Variants in GRIK2 observed in about 807,000 individuals in gnomAD.
GRIK2 encodes glutamate ionotropic receptor kainate type subunit 2, also known as glutamate receptor ionotropic, kainate 2.
Under a neutral mutation model 100.3 loss-of-function variants are expected in GRIK2, and 32 were observed. The observed-to-expected ratio is 0.32, with a 90% CI of 0.24 to 0.43. GRIK2 has a LOEUF of 0.43. GRIK2 is among the 20% of genes least tolerant of loss of function. The pLI is 1.00. For missense variants in GRIK2, 843 were observed against 1,114.9 expected, an observed-to-expected ratio of 0.76 and a Z score of 3.47; for synonymous variants, 417 against 389.4, an observed-to-expected ratio of 1.07 and a Z score of -0.83.
intron 2 of GRIK2, among the ~76,000 whole-genome samples, chr6:101,607,159 A>G (rs1779472518): frequency 2.6e-5 from 4 of 151,980 alleles, no homozygotes; most frequent in Admixed American, 2.6e-4. Context: ...GGAGAAATCC[A>G]TTCTTGAAAG....
chr6:101,795,451 C>A (rs1432888973), intron 7 of GRIK2, among the ~76,000 whole-genome samples: 1 of 152,130 alleles, frequency 6.6e-6, no homozygotes, highest in Non-Finnish European at 1.5e-5. Context: ...TGTCTTTAGG[C>A]TCCTGTGTGG....
At chr6:101,694,747 T>C (rs1175857642) in intron 7 of GRIK2, among the ~76,000 whole-genome samples, 1 of 151,952 alleles carries the variant, frequency 6.6e-6, no homozygotes, top group African/African-American at 2.4e-5. Flanking sequence ...CTAAACTATA[T>C]GTTGTATTTG....
At chr6:101,778,246 T>C (rs1389059794) in intron 7 of GRIK2, among the ~76,000 whole-genome samples, 1 of 152,154 alleles carries the variant, frequency 6.6e-6, no homozygotes, top group African/African-American at 2.4e-5. Flanking sequence ...TTAGTGATGT[T>C]TAATTTGCTA....
chr6:101,452,449 GT>G (rs11411818), intron 2 of GRIK2, among the ~76,000 whole-genome samples: 85,742 of 149,078 alleles, frequency 0.58, 24,617 homozygotes, highest in African/African-American at 0.64. Context: ...AAATTTTTGT[GT>G]TTTTTTTTTC....
intron 4 of GRIK2, among the ~76,000 whole-genome samples, chr6:101,672,992 GCTTTCCAGAGTGGCT>G (rs1770553719): frequency 6.6e-6 from 1 of 152,156 alleles, no homozygotes; most frequent in Non-Finnish European, 1.5e-5. Context: ...TCTCCAGACT[GCTTTCCAGAGTGGCT>G]GAACTAATTT....
At chr6:101,881,004 G>C (rs1443027659) in intron 11 of GRIK2, among the ~76,000 whole-genome samples, 2 of 151,756 alleles carry the variant, frequency 1.3e-5, no homozygotes, top group African/African-American at 4.8e-5. Context: ...TGTCTTAGTA[G>C]TTTATTTTCA....
At chr6:101,406,860 T>C (rs1189748872) in intron 2 of GRIK2, among the ~76,000 whole-genome samples, 1 of 152,182 alleles carries the variant, frequency 6.6e-6, no homozygotes, top group Non-Finnish European at 1.5e-5. Context: ...TATTCTTACA[T>C]TGACATTTTC....
At chr6:101,716,469 C>A (rs1774073830) in intron 7 of GRIK2, among the ~76,000 whole-genome samples, 2 of 151,058 alleles carry the variant, frequency 1.3e-5, no homozygotes, top group African/African-American at 4.9e-5. Context: ...CCTGTTTATA[C>A]AGAAAAGTAC....
chr6:101,788,864 C>A (rs1779621593), intron 7 of GRIK2, among the ~76,000 whole-genome samples: 1 of 152,092 alleles, frequency 6.6e-6, no homozygotes, highest in Non-Finnish European at 1.5e-5. Flanking sequence ...ACATCCTCTC[C>A]AGCACCTGTT....
intron 2 of GRIK2, among the ~76,000 whole-genome samples, chr6:101,589,182 T>A (rs1778527107): frequency 6.6e-6 from 1 of 152,120 alleles, no homozygotes; most frequent in South Asian, 2.1e-4. Flanking sequence ...GTTTTTATTT[T>A]AAAATCAACA....
chr6:101,951,048 T>A (rs975715056), intron 14 of GRIK2, among the ~76,000 whole-genome samples: 1 of 152,054 alleles, frequency 6.6e-6, no homozygotes, highest in Non-Finnish European at 1.5e-5. Flanking sequence ...AGTTCCAATG[T>A]TCTGTTGTGA....
At chr6:101,523,609 CT>C (rs1774996233) in intron 2 of GRIK2, among the ~76,000 whole-genome samples, 1 of 151,924 alleles carries the variant, frequency 6.6e-6, no homozygotes, top group Non-Finnish European at 1.5e-5. Flanking sequence ...GTATAAAGAT[CT>C]TCTACTATAT....
chr6:101,818,314 TACTC>T, intron 9 of GRIK2, 52 bp from the exon 10 acceptor site: 1 of 921,856 alleles, frequency 1.1e-6, no homozygotes, highest in Non-Finnish European at 1.8e-6. Context: ...TCTTTTGCAG[TACTC>T]TCTACCACGT....
At chr6:101,643,666 C>A (rs770739550) in intron 4 of GRIK2, among the ~76,000 whole-genome samples, 16 of 151,564 alleles carry the variant, frequency 1.1e-4, no homozygotes, top group Admixed American at 5.9e-4. Flanking sequence ...ACTATGAGAT[C>A]TCCAACTTTG....
intron 12 of GRIK2, among the ~76,000 whole-genome samples, chr6:101,898,047 G>C (rs551505951): frequency 2.1e-4 from 32 of 151,880 alleles, no homozygotes; most frequent in Non-Finnish European, 3.4e-4. Context: ...ACAGTAGCCA[G>C]ATTATATTTG....
At chr6:101,603,893 A>T (rs948253162) in intron 2 of GRIK2, among the ~76,000 whole-genome samples, 5 of 151,778 alleles carry the variant, frequency 3.3e-5, no homozygotes, top group Non-Finnish European at 7.4e-5. Context: ...TAAGAATAAG[A>T]AAAAAGAATT....
At chr6:101,638,156 C>T (rs1332707101) in intron 4 of GRIK2, among the ~76,000 whole-genome samples, 1 of 150,614 alleles carries the variant, frequency 6.6e-6, no homozygotes, top group East Asian at 1.9e-4. Context: ...ATTTATTTAC[C>T]TATTTATTCA....
At chr6:101,736,102 T>A (rs988569164) in intron 7 of GRIK2, among the ~76,000 whole-genome samples, 1 of 152,138 alleles carries the variant, frequency 6.6e-6, no homozygotes, top group Non-Finnish European at 1.5e-5. Flanking sequence ...ATCCAGGTCA[T>A]GTTGATGTAA....
At chr6:101,883,061 C>T (rs555702059) in intron 11 of GRIK2, among the ~76,000 whole-genome samples, 1 of 151,300 alleles carries the variant, frequency 6.6e-6, no homozygotes, top group Non-Finnish European at 1.5e-5. Context: ...CCATATAATC[C>T]AGCATTTCTC....
Sources: gnomAD v4.1 joint callset for allele counts (sites outside exome capture counted in the v4.1 genomes callset) on GRCh38, gnomAD v4.1.1 for gene constraint, MANE v1.5 for transcripts, NCBI Gene and HGNC (gene_info 2026-07-23, HGNC 2026-07-21) for gene names.